NUCKS1: variants seen among roughly 807,000 people sequenced by gnomAD.
NUCKS1 encodes the protein nuclear casein kinase and cyclin dependent kinase substrate 1, also known as nuclear ubiquitous casein and cyclin-dependent kinase substrate 1.
A neutral mutation model predicts 33.0 loss-of-function variants in NUCKS1; 2 were observed. The observed-to-expected ratio is 0.06, with a 90% CI of 0.02 to 0.19. The LOEUF is 0.19. NUCKS1 is among the 10% of genes least tolerant of loss of function. The probability of loss-of-function intolerance (pLI) is 1.00; values close to 1 mark genes in which losing one functional copy is unlikely to be tolerated. For synonymous variants in NUCKS1, 106 were observed against 102.8 expected (o/e 1.03, Z -0.19); for missense variants, 201 against 293.6 (o/e 0.68, Z 2.31).
chr1:205,741,513 T>C lies in NUCKS1; in HGVS notation c.17+8444A>G, dbSNP rs1020598705. Among the ~76,000 whole-genome samples, 5 of 152,266 alleles carry C rather than the reference T, an allele frequency of 3.3e-5. No individual in the cohort carries two copies. The East Asian group carries it at 7.7e-4, about 24-fold the overall frequency. On this transcript the variant is annotated intron_variant, in intron 1 of 6. Coordinates refer to ENST00000367142, the MANE Select transcript of NUCKS1 (RefSeq NM_022731.5). ...TGCGAAATTACTGAGTAGAGTCCCA[T>C]GGTCTTGGAAACCTCGGTGGTGTCT...
At chr1:205,719,473 T>C (rs1371890607) in intron 6 of NUCKS1, 54 bp downstream of exon 6, 8 of 1,535,858 alleles carry the variant, frequency 5.2e-6, no homozygotes, top group Non-Finnish European at 5.3e-6. Flanking sequence ...TTGAAAATAA[T>C]GATTCTCAAA....
At position 205,714,129 on chromosome 1, in the gene NUCKS1, A is replaced by C. The variant is rs577226353; in HGVS notation, c.*4151T>G. 1 of 152,302 alleles carries C rather than the reference A, an allele frequency of 6.6e-6. No individual in the cohort carries two copies. The highest frequency in any genetic ancestry group is 2.1e-4 in the South Asian group (1 of 4,822). The allele number at this position is 152,302 out of a possible 1,614,324, so 9.4% of individuals were successfully genotyped here. On this transcript the variant is annotated 3_prime_UTR_variant, in exon 7 of 7. Coordinates refer to ENST00000367142, the MANE Select transcript of NUCKS1 (RefSeq NM_022731.5). ...GAGAAAAGAATTCACTAAGTTCCAG[A>C]AGACAAAGCTTTAATTGCCAGATGT... is the stretch of plus-strand genomic sequence containing the variant.
At chr1:205,723,350 A>G (rs962098302) in intron 4 of NUCKS1, among the ~76,000 whole-genome samples, 1 of 152,188 alleles carries the variant, frequency 6.6e-6, no homozygotes, top group Non-Finnish European at 1.5e-5. Flanking sequence ...ACCAACAACA[A>G]GTAGAATCAT....
At chr1:205,748,660 T>C (rs576578418) in intron 1 of NUCKS1, among the ~76,000 whole-genome samples, 11 of 152,298 alleles carry the variant, frequency 7.2e-5, no homozygotes, top group South Asian at 2.1e-4. Context: ...CCACCACCAG[T>C]TGGAGGATGA....
chr1:205,731,108 G>A (rs1402432913), intron 1 of NUCKS1: 2 of 152,192 alleles, frequency 1.3e-5, no homozygotes, highest in Non-Finnish European at 2.9e-5. Context: ...CCAGTCAAAA[G>A]ATGCTTTATT....
chr1:205,735,458 T>C (rs1273933886), intron 1 of NUCKS1, among the ~76,000 whole-genome samples: 1 of 152,226 alleles, frequency 6.6e-6, no homozygotes, highest in African/African-American at 2.4e-5. Context: ...TGACACATGA[T>C]AGTTAAATGC....
intron 1 of NUCKS1, chr1:205,731,409 C>CAA (rs1653906421): frequency 6.6e-6 from 1 of 152,206 alleles, no homozygotes; most frequent in African/African-American, 2.4e-5. Flanking sequence ...GTATCTTTAA[C>CAA]ATCTCAAACA....
chr1:205,739,825 G>C (rs1654120599), intron 1 of NUCKS1, among the ~76,000 whole-genome samples: 1 of 152,030 alleles, frequency 6.6e-6, no homozygotes, highest in Admixed American at 6.6e-5. Flanking sequence ...CTTGACTCAA[G>C]CGATCTGCCC....
intron 1 of NUCKS1, among the ~76,000 whole-genome samples, chr1:205,737,576 A>G (rs898114674): frequency 2.6e-5 from 4 of 152,250 alleles, no homozygotes; most frequent in Admixed American, 6.5e-5. Context: ...GTATTTCTCC[A>G]TCTTACAAGG....
At chr1:205,740,251 C>G (rs1196178713) in intron 1 of NUCKS1, among the ~76,000 whole-genome samples, 2 of 151,782 alleles carry the variant, frequency 1.3e-5, no homozygotes, top group African/African-American at 4.8e-5. Flanking sequence ...GCAATCCACC[C>G]ACCTCGGCCT....
intron 1 of NUCKS1, among the ~76,000 whole-genome samples, chr1:205,743,482 G>C (rs1654233154): frequency 6.6e-6 from 1 of 152,156 alleles, no homozygotes; most frequent in African/African-American, 2.4e-5. Context: ...TAACCTATTT[G>C]TAACCTCAGT....
intron 1 of NUCKS1, among the ~76,000 whole-genome samples, chr1:205,743,879 A>G (rs1159696106): frequency 6.6e-6 from 1 of 152,200 alleles, no homozygotes; most frequent in Admixed American, 6.5e-5. Flanking sequence ...GCATTTTTGC[A>G]TCCATATTTT....
intron 3 of NUCKS1, among the ~76,000 whole-genome samples, chr1:205,727,156 G>A (rs1344752718): frequency 6.6e-6 from 1 of 151,958 alleles, no homozygotes; most frequent in African/African-American, 2.4e-5. Flanking sequence ...GTAGAGATGT[G>A]GTCTCCTTAT....
At chr1:205,732,656 C>A (rs1361307863) in intron 1 of NUCKS1, among the ~76,000 whole-genome samples, 1 of 151,580 alleles carries the variant, frequency 6.6e-6, no homozygotes, top group East Asian at 1.9e-4. Context: ...TGGTGCGTGC[C>A]TGTAGTGCCA....
intron 1 of NUCKS1, among the ~76,000 whole-genome samples, chr1:205,746,880 A>C (rs1186698685): frequency 1.3e-5 from 2 of 152,218 alleles, no homozygotes; most frequent in East Asian, 3.8e-4. Flanking sequence ...GGTTACAAGG[A>C]GAAGCAAAAA....
At chr1:205,746,764 T>G (rs1182597126) in intron 1 of NUCKS1, among the ~76,000 whole-genome samples, 1 of 152,148 alleles carries the variant, frequency 6.6e-6, no homozygotes. Context: ...AACAATAAAA[T>G]AAATTCTATA....
Position 205,717,205 on chromosome 1 carries a change from GT to G in NUCKS1, c.*1074del, listed in dbSNP as rs1671838139. 3.7e-6 allele frequency: 2 copies of G among 534,264 alleles called. No individual in the cohort carries two copies. Among genetic ancestry groups the G allele is most frequent in the African/African-American group, 4.1e-5 (2 of 48,508 alleles). 33.1% of individuals were successfully genotyped at this position (534,264 alleles called of 1,614,324 possible). A position where few individuals can be genotyped will look rare whatever the true frequency, so the allele number is the denominator to read the frequency against. On this transcript the variant is annotated 3_prime_UTR_variant, in exon 7 of 7. Coordinates refer to ENST00000367142, the MANE Select transcript of NUCKS1 (RefSeq NM_022731.5). ...TATCCCCAAATAAAAGCAGAGCATG[GT>G]TAATGGGACCTGAATGCACATTTAT...
chr1:205,737,329 C>G (rs930036096), intron 1 of NUCKS1, among the ~76,000 whole-genome samples: 1 of 152,188 alleles, frequency 6.6e-6, no homozygotes, highest in African/African-American at 2.4e-5. Flanking sequence ...GTTTGGTATC[C>G]TGATCCTGCC....
intron 1 of NUCKS1, among the ~76,000 whole-genome samples, chr1:205,739,471 AT>A (rs932916699): frequency 9.0e-4 from 134 of 149,536 alleles, no homozygotes; most frequent in Middle Eastern, 6.9e-3. Context: ...CACAACTCAA[AT>A]TTTTTTTTTT....
Sources: allele counts gnomAD v4.1 joint callset (sites outside exome capture counted in the v4.1 genomes callset), GRCh38; gene constraint gnomAD v4.1.1; transcripts MANE v1.5; gene names NCBI Gene and HGNC (gene_info 2026-07-23, HGNC 2026-07-21).